The following SHISA9 variants were observed in gnomAD, a reference collection of about 807,000 sequenced individuals.
SHISA9 encodes shisa family member 9, also known as protein shisa-9.
In SHISA9, 13 loss-of-function variants were observed where a neutral mutation model predicts 38.0. That is an observed-to-expected ratio of 0.34 (90% confidence interval 0.22 to 0.54). The LOEUF is 0.54. Among genes scored for constraint, SHISA9 ranks in the 20% least tolerant of loss-of-function variants. SHISA9 has a pLI of 0.91. For synonymous variants in SHISA9, 275 were observed against 242.0 expected (o/e 1.14, Z -1.27); for missense variants, 538 against 575.8 (o/e 0.93, Z 0.67).
At chr16:13,445,108 C>T in the SHISA9 span, among the ~76,000 whole-genome samples, 1 of 150,724 alleles carries the variant, frequency 6.6e-6, no homozygotes, top group African/African-American at 2.4e-5. Context: ...GCAGTCCACC[C>T]ACCTCGGCCT....
chr16:13,167,829 C>T (rs759172636), intron 2 of SHISA9, among the ~76,000 whole-genome samples: 6 of 152,202 alleles, frequency 3.9e-5, no homozygotes, highest in Non-Finnish European at 7.4e-5. Flanking sequence ...CTTTATAAAT[C>T]ACCCAGTCTC....
intron 2 of SHISA9, among the ~76,000 whole-genome samples, chr16:13,092,767 T>C (rs905342576): frequency 4.6e-5 from 7 of 152,192 alleles, no homozygotes; most frequent in African/African-American, 1.4e-4. Context: ...CCCCAACCCC[T>C]TGTGCTTCTT....
chr16:12,967,859 T>A (rs2072000232), intron 2 of SHISA9, among the ~76,000 whole-genome samples: 2 of 152,028 alleles, frequency 1.3e-5, no homozygotes, highest in Non-Finnish European at 2.9e-5. Flanking sequence ...TTCTCAAACT[T>A]GTCTGCATGT....
chr16:13,277,768 T>A, the SHISA9 span, among the ~76,000 whole-genome samples: 18 of 152,074 alleles, frequency 1.2e-4, no homozygotes, highest in Non-Finnish European at 2.5e-4. Context: ...TGTACATTAA[T>A]CTCATATCCA....
intron 3 of SHISA9, among the ~76,000 whole-genome samples, chr16:13,208,766 T>G (rs2051091495): frequency 6.6e-6 from 1 of 152,230 alleles, no homozygotes; most frequent in African/African-American, 2.4e-5. Flanking sequence ...AAACATTAAG[T>G]CTGGTTTCCC....
intron 4 of SHISA9, among the ~76,000 whole-genome samples, chr16:13,222,202 TCCCTCCCAA>T (rs1194417002): frequency 9.2e-5 from 14 of 152,122 alleles, no homozygotes; most frequent in East Asian, 7.7e-4. Context: ...TCCCACCAGG[TCCCTCCCAA>T]GACACTTGGG....
chr16:13,357,601 A>T, the SHISA9 span, among the ~76,000 whole-genome samples: 1 of 152,238 alleles, frequency 6.6e-6, no homozygotes, highest in Non-Finnish European at 1.5e-5. Flanking sequence ...TGAAGAGACC[A>T]CCAAACAGGC....
intron 2 of SHISA9, among the ~76,000 whole-genome samples, chr16:13,075,870 C>G (rs147018078): frequency 6.6e-6 from 1 of 151,962 alleles, no homozygotes; most frequent in East Asian, 1.9e-4. Context: ...TTCTTTGTTG[C>G]GGAGGATGGC....
At chr16:13,463,470 T>C in the SHISA9 span, among the ~76,000 whole-genome samples, 90 of 152,078 alleles carry the variant, frequency 5.9e-4, no homozygotes, top group African/African-American at 2.0e-3. Flanking sequence ...CTCTGAAGAG[T>C]TGCTCGGGAG....
chr16:13,295,970 C>G, the SHISA9 span, among the ~76,000 whole-genome samples: 1 of 152,104 alleles, frequency 6.6e-6, no homozygotes, highest in African/African-American at 2.4e-5. Flanking sequence ...GAGCCTGTAT[C>G]AGACTCTGTA....
the SHISA9 span, among the ~76,000 whole-genome samples, chr16:13,328,881 T>G: frequency 6.6e-6 from 1 of 152,240 alleles, no homozygotes; most frequent in East Asian, 1.9e-4. Context: ...AACATTTTCC[T>G]TTCAATGAAA....
intron 2 of SHISA9, among the ~76,000 whole-genome samples, chr16:12,998,733 G>A (rs977998229): frequency 1.2e-4 from 19 of 152,006 alleles, no homozygotes; most frequent in Admixed American, 7.9e-4. Context: ...ATAGAGATGA[G>A]GTTTCACTGT....
At chr16:13,317,681 T>G in the SHISA9 span, among the ~76,000 whole-genome samples, 1 of 152,156 alleles carries the variant, frequency 6.6e-6, no homozygotes, top group African/African-American at 2.4e-5. Flanking sequence ...CTCACAGGGC[T>G]TGGAGGATGT....
At chr16:12,920,692 T>A (rs538043067) in intron 2 of SHISA9, among the ~76,000 whole-genome samples, 38 of 152,278 alleles carry the variant, frequency 2.5e-4, no homozygotes, top group African/African-American at 9.1e-4. Context: ...TTCTGTATAC[T>A]CCTCACCCAC....
At chr16:13,171,793 G>C (rs1031247155) in intron 2 of SHISA9, among the ~76,000 whole-genome samples, 6 of 152,102 alleles carry the variant, frequency 3.9e-5, no homozygotes, top group Non-Finnish European at 8.8e-5. Flanking sequence ...AGCAACGTAG[G>C]TGACATGATC....
chr16:13,358,129 G>A, the SHISA9 span, among the ~76,000 whole-genome samples: 1 of 152,108 alleles, frequency 6.6e-6, no homozygotes, highest in Non-Finnish European at 1.5e-5. Flanking sequence ...GCAAGTTTTA[G>A]CAAGTGGAAA....
the SHISA9 span, among the ~76,000 whole-genome samples, chr16:13,425,991 G>T: frequency 6.6e-6 from 1 of 152,100 alleles, no homozygotes; most frequent in African/African-American, 2.4e-5. Flanking sequence ...CATTCTGTAG[G>T]GTAAGCTAAC....
chr16:13,231,040 T>TTAA (rs1429092972), intron 4 of SHISA9, among the ~76,000 whole-genome samples: 2 of 152,180 alleles, frequency 1.3e-5, no homozygotes, highest in Non-Finnish European at 2.9e-5. Flanking sequence ...TCTCATCCTG[T>TTAA]GACTAAGAAT....
chr16:13,460,605 T>C, the SHISA9 span, among the ~76,000 whole-genome samples: 2 of 152,214 alleles, frequency 1.3e-5, no homozygotes, highest in Non-Finnish European at 2.9e-5. Context: ...TATGGATGGA[T>C]AGGTTCGAGT....
Sources: gnomAD v4.1 joint callset for allele counts (sites outside exome capture counted in the v4.1 genomes callset) on GRCh38, gnomAD v4.1.1 for gene constraint, MANE v1.5 for transcripts, NCBI Gene and HGNC (gene_info 2026-07-23, HGNC 2026-07-21) for gene names.